The following PHEX variants were observed in gnomAD, a reference collection of about 807,000 sequenced individuals.
PHEX encodes phosphate-regulating neutral endopeptidase PHEX.
A neutral mutation model predicts 68.0 loss-of-function variants in PHEX; 16 were observed. The ratio of observed to expected loss-of-function variants is 0.24; its 90% CI spans 0.16 to 0.36. PHEX has a LOEUF of 0.36. PHEX is among the 10% of genes least tolerant of loss of function. The pLI is 1.00. For synonymous variants in PHEX, 208 were observed against 205.1 expected (o/e 1.01, Z -0.12); for missense variants, 480 against 575.5 (o/e 0.83, Z 1.70).
intron 13 of PHEX, chrX:22,171,254 G>A (rs907242364): frequency 9.9e-5 from 11 of 110,658 alleles, no homozygotes; most frequent in Non-Finnish European, 1.9e-4. Flanking sequence ...CAGGAGGGAA[G>A]AGTGAGAGTT....
rs201336547 is a variant in PHEX, at chrX:22,050,553, AGAGT to A, written c.349+3346_349+3349del. Among the ~76,000 whole-genome samples, 820 of 100,044 alleles carry A rather than the reference AGAGT, an allele frequency of 8.2e-3. 9 individuals are homozygous for A. The highest frequency in any genetic ancestry group is 0.028 in the African/African-American group (760 of 26,909). 86.9% of individuals were successfully genotyped at this position (100,044 alleles called of 115,157 possible). A position where few individuals can be genotyped will look rare whatever the true frequency, so the allele number is the denominator to read the frequency against. On this transcript the variant is annotated intron_variant, in intron 3 of 21. Transcript: ENST00000379374. Reference sequence around the variant, plus strand: ...ACCACTGCACTCCAGTCTGGGCGACAGAGTGAGACTTCATCTCAGGAAAAAAAAA... The same window carrying A: ...ACCACTGCACTCCAGTCTGGGCGACAGAGACTTCATCTCAGGAAAAAAAAA...
At chrX:22,179,388 T>C (rs1464879260) in intron 14 of PHEX, among the ~76,000 whole-genome samples, 4 of 111,463 alleles carry the variant, frequency 3.6e-5, no homozygotes, top group Admixed American at 2.9e-4. Flanking sequence ...ATAAGTTCTT[T>C]AGTGGTGATT....
intron 2 of PHEX, among the ~76,000 whole-genome samples, chrX:22,043,873 G>A (rs901275925): frequency 9.0e-6 from 1 of 110,802 alleles, no homozygotes; most frequent in African/African-American, 3.3e-5. Flanking sequence ...AAGACTCTGG[G>A]TTTTCTCCAT....
chrX:22,218,698 T>A (rs1935169146), intron 16 of PHEX, among the ~76,000 whole-genome samples: 1 of 112,120 alleles, frequency 8.9e-6, no homozygotes, highest in African/African-American at 3.2e-5. Flanking sequence ...TAGGTGTTCA[T>A]AAATATATAG....
chrX:22,213,738 C>T (rs1935003185), intron 16 of PHEX, among the ~76,000 whole-genome samples: 1 of 112,081 alleles, frequency 8.9e-6, no homozygotes, highest in Non-Finnish European at 1.9e-5. Context: ...TGATTCTATA[C>T]ATTGAGTCTC....
intron 15 of PHEX, among the ~76,000 whole-genome samples, chrX:22,203,591 T>C (rs772256045): frequency 1.8e-5 from 2 of 111,484 alleles, no homozygotes; most frequent in East Asian, 5.6e-4. Context: ...GCAATTTCCA[T>C]GTCCTGACTG....
At chrX:22,210,910 C>T (rs1331186866) in intron 15 of PHEX, among the ~76,000 whole-genome samples, 1 of 110,253 alleles carries the variant, frequency 9.1e-6, no homozygotes, top group African/African-American at 3.3e-5. Context: ...TTCCTGTCCT[C>T]ATTTCTCCTC....
intron 11 of PHEX, among the ~76,000 whole-genome samples, chrX:22,129,351 G>T (rs1350820465): frequency 8.9e-6 from 1 of 112,016 alleles, no homozygotes; most frequent in African/African-American, 3.2e-5. Context: ...AAGCAAAATC[G>T]TGAATAAGGG....
chrX:22,226,556 C>T, intron 19 of PHEX, 48 bp downstream of exon 19: 1 of 947,279 alleles, frequency 1.1e-6, no homozygotes, highest in African/African-American at 1.9e-5. Flanking sequence ...AGCCATAAAA[C>T]ACCATATGGG....
chrX:22,152,437 C>T (rs1316583524), intron 12 of PHEX, among the ~76,000 whole-genome samples: 1 of 111,804 alleles, frequency 8.9e-6, no homozygotes, highest in Non-Finnish European at 1.9e-5. Context: ...TCCACAAGGC[C>T]CTTCCCTTCC....
intron 15 of PHEX, among the ~76,000 whole-genome samples, chrX:22,209,790 TCTCTCCCTCTCC>T (rs1290256343): frequency 1.5e-5 from 1 of 66,425 alleles, no homozygotes; most frequent in African/African-American, 6.1e-5. Flanking sequence ...CCTCCCTCTC[TCTCTCCCTCTCC>T]CTCTCCCTCT....
intron 12 of PHEX, among the ~76,000 whole-genome samples, chrX:22,153,803 T>A (rs1023533939): frequency 4.5e-5 from 5 of 112,219 alleles, no homozygotes; most frequent in African/African-American, 1.6e-4. Context: ...CTATGACTGA[T>A]TTTTGCTTTC....
At chrX:22,230,758 A>G (rs966475663) in intron 20 of PHEX, among the ~76,000 whole-genome samples, 3 of 111,648 alleles carry the variant, frequency 2.7e-5, no homozygotes, top group African/African-American at 9.8e-5. Flanking sequence ...TCCTATTTCA[A>G]TACCCTTTAT....
chrX:22,155,479 T>C (rs1431578310), intron 12 of PHEX, among the ~76,000 whole-genome samples: 1 of 112,422 alleles, frequency 8.9e-6, no homozygotes, highest in Non-Finnish European at 1.9e-5. Context: ...TAAATTTCTC[T>C]GAGAAACGTT....
chrX:22,214,158 A>G (rs981905363), intron 16 of PHEX, among the ~76,000 whole-genome samples: 8 of 112,113 alleles, frequency 7.1e-5, no homozygotes, highest in Non-Finnish European at 1.5e-4. Context: ...TGGAAGCTCT[A>G]GAGATGAATC....
chrX:22,173,899 C>T lies in PHEX; in HGVS notation c.1483-4374C>T, dbSNP rs1056277396. On this transcript the variant is annotated intron_variant, in intron 13 of 21. Coordinates refer to ENST00000379374, the MANE Select transcript of PHEX (RefSeq NM_000444.6). The stretch of plus-strand genomic sequence containing the variant: ...CATCTGCCTATTCCTACATGTAGGC[C>T]GAAGACTATACTACAGATCATTTGC... Among the ~76,000 whole-genome samples, 5 of 111,748 alleles carry T rather than the reference C, an allele frequency of 4.5e-5. No individual in the cohort carries two copies. The East Asian group carries it at 1.1e-3, about 25-fold the overall frequency.
chrX:22,065,793 C>G (rs185966340), intron 3 of PHEX, among the ~76,000 whole-genome samples: 5 of 112,281 alleles, frequency 4.5e-5, no homozygotes, highest in African/African-American at 1.6e-4. Context: ...TGTCTTCACT[C>G]TAATTCTGTG....
intron 3 of PHEX, among the ~76,000 whole-genome samples, chrX:22,062,194 G>A (rs1928399144): frequency 9.0e-6 from 1 of 111,550 alleles, no homozygotes; most frequent in Non-Finnish European, 1.9e-5. Context: ...CCCATGCGGG[G>A]ATTAGAATTT....
intron 15 of PHEX, among the ~76,000 whole-genome samples, chrX:22,208,663 TC>T (rs1934790197): frequency 8.9e-6 from 1 of 112,080 alleles, no homozygotes; most frequent in Non-Finnish European, 1.9e-5. Flanking sequence ...ACTTATTGAC[TC>T]ATAAACTGAG....
Sources: allele counts gnomAD v4.1 joint callset (sites outside exome capture counted in the v4.1 genomes callset), GRCh38; gene constraint gnomAD v4.1.1; transcripts MANE v1.5; gene names NCBI Gene and HGNC (gene_info 2026-07-23, HGNC 2026-07-21).